Variants in ANKMY1 observed in about 807,000 individuals in gnomAD.
ANKMY1 encodes ankyrin repeat and MYND domain-containing protein 1.
In ANKMY1, 98 loss-of-function variants were observed where a neutral mutation model predicts 102.0. The ratio of observed to expected loss-of-function variants is 0.96; its 90% CI spans 0.82 to 1.14. The LOEUF (loss-of-function observed/expected upper bound fraction) is 1.14. Among genes scored for constraint, ANKMY1 ranks in the 50% most tolerant of loss-of-function variants. ANKMY1 has a pLI of 0.00. For synonymous variants in ANKMY1, 582 were observed against 559.9 expected, an observed-to-expected ratio of 1.04 and a Z score of -0.56; for missense variants, 1,330 against 1,347.6, an observed-to-expected ratio of 0.99 and a Z score of 0.20.
Position 240,499,730 on chromosome 2 carries a change from A to T in ANKMY1, c.2806+228T>A, listed in dbSNP as rs2077837626. 6.6e-6 allele frequency among the ~76,000 whole-genome samples: 1 copy of T among 151,990 alleles called. No individual in the cohort carries two copies. Among genetic ancestry groups the T allele is most frequent in the Non-Finnish European group, 1.5e-5 (1 of 67,956 alleles). ...CTGACCTGGGCCCTGGCCCTAGGCC[A>T]CCAACTCCTCTTCCCAGGGACATCT... On this transcript the variant is annotated intron_variant, in intron 15 of 17. Transcript: ENST00000401804. This position sits in a 1 kb window ranked among gnomAD's most constrained non-coding sequence, Gnocchi z 4.2.
chr2:240,475,944 A>G (rs1003488059), downstream of ANKMY1, among the ~76,000 whole-genome samples: 3 of 152,220 alleles, frequency 2.0e-5, no homozygotes, highest in Non-Finnish European at 4.4e-5. Context: ...TACAAACTCA[A>G]TGCAATGTCT....
At chr2:240,487,705 ATTC>A (rs796970676) in intron 15 of ANKMY1, among the ~76,000 whole-genome samples, 3 of 151,924 alleles carry the variant, frequency 2.0e-5, no homozygotes, top group South Asian at 2.1e-4. Flanking sequence ...ATGTTGAGCT[ATTC>A]TTTTGTTTTT....
chr2:240,559,546 G>A (rs544439922), upstream of ANKMY1, among the ~76,000 whole-genome samples: 3 of 152,306 alleles, frequency 2.0e-5, no homozygotes, highest in Admixed American at 1.3e-4. Flanking sequence ...CCTAGAAAGC[G>A]GAGGGAGACA....
chr2:240,493,794 AACT>A (rs2076918040), intron 15 of ANKMY1, among the ~76,000 whole-genome samples: 1 of 152,156 alleles, frequency 6.6e-6, no homozygotes, highest in South Asian at 2.1e-4. Context: ...TTGTGTTGGC[AACT>A]ACTGGCAGGT....
Position 240,526,269 on chromosome 2 carries a change from A to T in ANKMY1, c.1130T>A (p.Val377Glu), listed in dbSNP as rs757168302. 1.9e-6 allele frequency: 3 copies of T among 1,614,156 alleles called. No homozygotes were observed. The South Asian group carries it at 3.3e-5, about 18-fold the overall frequency. The change falls in exon 6 of 18, where the codon GTG becomes GAG. Residue 377 changes from valine (V) to glutamate (E), a missense_variant. By Grantham distance (121) the Val-to-Glu change is moderately radical. Transcript: ENST00000401804. ...CACAGTGTAGCCCTTTGCGTCCGCC[A>T]CGTCAGCACTAGCAAAGTTGTCCTT... ...ILKDNFASAD[V>E]ADAKGYTVLA... is the part of the protein sequence containing the mutation.
downstream of ANKMY1, among the ~76,000 whole-genome samples, chr2:240,478,103 C>T (rs534199983): frequency 5.3e-5 from 8 of 152,302 alleles, no homozygotes; most frequent in East Asian, 1.5e-3. Flanking sequence ...TGTGTGGCAG[C>T]CCCTCCCCTT....
chr2:240,558,314 G>A (rs1188659986), upstream of ANKMY1: 3 of 152,290 alleles, frequency 2.0e-5, no homozygotes, highest in African/African-American at 7.2e-5. Context: ...CTAGCACGTG[G>A]AGCCACGACT....
chr2:240,553,262 G>A (rs1008681229), intron 3 of ANKMY1: 1 of 605,638 alleles, frequency 1.7e-6, no homozygotes. Flanking sequence ...TGATAGCCAG[G>A]CTCCCTCTCT....
chr2:240,539,779 T>G (rs966860685), intron 4 of ANKMY1, among the ~76,000 whole-genome samples: 1 of 152,168 alleles, frequency 6.6e-6, no homozygotes. Context: ...CATTGTAAAC[T>G]AAAAGTAAGA....
chr2:240,520,291 C>A lies in ANKMY1; in HGVS notation c.2004+71G>T. ...CCCTCTCTTCCGCGCCTAGGTGGAG[C>A]GAGGAGCTTCCCGGCCAGTGCCCGG... is the stretch of plus-strand genomic sequence containing the variant. On this transcript the variant is annotated intron_variant, in intron 9 of 17. Coordinates refer to ENST00000401804, the MANE Select transcript of ANKMY1 (RefSeq NM_001282771.3). The surrounding 1 kb of genome is among the most constrained non-coding windows in gnomAD (Gnocchi z 4.8). The A allele has an allele frequency of 6.7e-7, 1 of 1,487,354 alleles. No individual in the cohort carries two copies. The highest frequency in any genetic ancestry group is 9.0e-7 in the Non-Finnish European group (1 of 1,111,530). The allele number at this position is 1,487,354 out of a possible 1,614,324, so 92.1% of individuals were successfully genotyped here.
intron 4 of ANKMY1, among the ~76,000 whole-genome samples, chr2:240,538,409 G>A (rs1379218088): frequency 1.3e-5 from 2 of 152,196 alleles, no homozygotes; most frequent in Non-Finnish European, 2.9e-5. Flanking sequence ...GGGCAGTGAG[G>A]GGCTTAGCAC....
intron 11 of ANKMY1, among the ~76,000 whole-genome samples, chr2:240,510,774 T>C (rs1181286120): frequency 6.8e-6 from 1 of 147,046 alleles, no homozygotes; most frequent in Non-Finnish European, 1.5e-5. Context: ...GCACTGAAGT[T>C]CCACCTGCCA....
intron 4 of ANKMY1, 121 bp downstream of exon 4, chr2:240,552,793 G>A: frequency 6.8e-7 from 1 of 1,479,528 alleles, no homozygotes; most frequent in South Asian, 1.2e-5. Flanking sequence ...ATCATTAAAA[G>A]TAAAAAAGCT....
chr2:240,530,246 C>T (rs1456200799), intron 4 of ANKMY1, among the ~76,000 whole-genome samples: 1 of 152,210 alleles, frequency 6.6e-6, no homozygotes, highest in Non-Finnish European at 1.5e-5. Flanking sequence ...AGGGGAGGCG[C>T]ATCTTCCTGA....
In ANKMY1 at chr2:240,526,339, G is replaced by A. The variant is rs1287818373; in HGVS notation, c.1060C>T (p.Leu354=). The change falls in exon 6 of 18, where the codon CTA becomes TTA. Residue 354 remains leucine (L), a synonymous_variant. Transcript: ENST00000401804. ...PKEQLSMEMI[L]KAEEGNHEWI... Reference sequence around the variant, plus strand: ...TCGTGGTTCCCTTCCTCAGCCTTTAGGATCATCTCCATGGAAAGTTGCTCT... The same window carrying A: ...TCGTGGTTCCCTTCCTCAGCCTTTAAGATCATCTCCATGGAAAGTTGCTCT... The A allele has an allele frequency of 6.2e-7, 1 of 1,614,102 alleles. No homozygotes were observed. The highest frequency in any genetic ancestry group is 2.2e-5 in the East Asian group (1 of 44,898).
chr2:240,525,311 C>A (rs2152374149), intron 7 of ANKMY1, among the ~76,000 whole-genome samples: 1 of 152,360 alleles, frequency 6.6e-6, no homozygotes, highest in African/African-American at 2.4e-5. Context: ...TGAGACCGAA[C>A]CCCTGGTGTT....
At chr2:240,519,700 G>A (rs1211411217) in intron 9 of ANKMY1, 1 of 161,858 alleles carries the variant, frequency 6.2e-6, no homozygotes, top group Non-Finnish European at 1.4e-5. Context: ...TTGTTTGAAC[G>A]AGCTAAGCCC....
rs534353942 is a variant in ANKMY1 at position 240,520,729 on chromosome 2, C to T, written c.1833-196G>A. Among the ~76,000 whole-genome samples the T allele has an allele frequency of 5.3e-5, 8 of 151,692 alleles. No individual in the cohort carries two copies. The highest frequency in any genetic ancestry group is 1.9e-4 in the African/African-American group (8 of 41,368). On this transcript the variant is annotated intron_variant, in intron 8 of 17. Coordinates refer to ENST00000401804, the MANE Select transcript of ANKMY1 (RefSeq NM_001282771.3). The surrounding 1 kb of genome is among the most constrained non-coding windows in gnomAD (Gnocchi z 4.8). ...AGCACACAACTACACACAAGCCACA[C>T]CAGAGCGCACACACACGGCACACAC...
chr2:240,481,202 C>G (rs903314874), intron 16 of ANKMY1, 105 bp from the exon 17 acceptor site: 2 of 1,419,548 alleles, frequency 1.4e-6, no homozygotes, highest in Non-Finnish European at 1.9e-6. Context: ...CTGGGCTATT[C>G]CCCACCGTCC....
Sources: allele counts gnomAD v4.1 joint callset (sites outside exome capture counted in the v4.1 genomes callset), GRCh38; gene constraint gnomAD v4.1.1; non-coding constraint Gnocchi (gnomAD v3.1); transcripts MANE v1.5; gene names NCBI Gene and HGNC (gene_info 2026-07-23, HGNC 2026-07-21).